Variants in AGO3 observed in about 807,000 individuals in gnomAD.
AGO3 encodes protein argonaute-3.
AGO3 carries 16 observed loss-of-function variants against 105.5 expected under a neutral mutation model. The ratio of observed to expected loss-of-function variants is 0.15; its 90% CI spans 0.10 to 0.23. The LOEUF is 0.23. AGO3 is among the 10% of genes least tolerant of loss of function. The pLI is 1.00. For synonymous variants in AGO3, 340 were observed against 367.3 expected, an observed-to-expected ratio of 0.93 and a Z score of 0.85; for missense variants, 534 against 1,088.0, an observed-to-expected ratio of 0.49 and a Z score of 7.16.
intron 5 of AGO3, among the ~76,000 whole-genome samples, chr1:35,976,729 C>A (rs781284780): frequency 1.3e-5 from 2 of 152,058 alleles, no homozygotes; most frequent in Non-Finnish European, 2.9e-5. Context: ...AAACATTGAA[C>A]CAAACCAGGA....
chr1:36,005,847 G>A (rs1483940100), intron 6 of AGO3: 9 of 985,118 alleles, frequency 9.1e-6, no homozygotes, highest in South Asian at 9.4e-5. Context: ...TAAAGTTGAT[G>A]TTATAGTGAA....
chr1:35,993,828 A>C (rs11799914), intron 5 of AGO3, among the ~76,000 whole-genome samples: 2 of 139,520 alleles, frequency 1.4e-5, no homozygotes, highest in East Asian at 4.2e-4. Context: ...GCTCACTGCA[A>C]CCTCCACCTC....
intron 5 of AGO3, among the ~76,000 whole-genome samples, chr1:35,988,974 TG>T (rs1241298890): frequency 6.6e-6 from 1 of 152,216 alleles, no homozygotes; most frequent in Non-Finnish European, 1.5e-5. Flanking sequence ...TGCTTTTGCG[TG>T]ATTTTGATTT....
intron 1 of AGO3, among the ~76,000 whole-genome samples, chr1:35,944,700 C>T (rs1646328511): frequency 6.6e-6 from 1 of 151,942 alleles, no homozygotes; most frequent in Non-Finnish European, 1.5e-5. Context: ...GACAGGGTTT[C>T]ACCATGTTGG....
intron 5 of AGO3, among the ~76,000 whole-genome samples, chr1:36,000,065 C>T (rs539631995): frequency 2.1e-4 from 32 of 152,148 alleles, no homozygotes; most frequent in African/African-American, 6.7e-4. Context: ...TTTTTGGGGA[C>T]TGCCATCTAT....
Position 36,027,424 on chromosome 1 carries a change from A to G in AGO3, c.1591+126A>G. ...TATGATACAGTATTTAAAACCATGT[A>G]TTATTACTTGAAGACAAATTAATAT... is the stretch of plus-strand genomic sequence containing the variant. On this transcript the variant is annotated intron_variant, in intron 12 of 18. Coordinates refer to ENST00000373191, the MANE Select transcript of AGO3 (RefSeq NM_024852.4). This position sits in a 1 kb window ranked among gnomAD's most constrained non-coding sequence, Gnocchi z 4.0. 1 of 936,994 alleles carries G rather than the reference A, an allele frequency of 1.1e-6. No individual in the cohort carries two copies. Among genetic ancestry groups the G allele is most frequent in the Non-Finnish European group, 1.5e-6 (1 of 672,212 alleles). The allele number at this position is 936,994 out of a possible 1,614,324, so 58.0% of individuals were successfully genotyped here.
At chr1:36,006,976 G>A (rs1187655880) in intron 6 of AGO3, among the ~76,000 whole-genome samples, 1 of 152,206 alleles carries the variant, frequency 6.6e-6, no homozygotes, top group African/African-American at 2.4e-5. Flanking sequence ...CTCAACCTTA[G>A]CAGCATTGAC....
At chr1:35,950,935 G>A (rs916442889) in intron 2 of AGO3, among the ~76,000 whole-genome samples, 10 of 152,250 alleles carry the variant, frequency 6.6e-5, no homozygotes, top group African/African-American at 2.4e-4. Context: ...TAAAATAGTA[G>A]TAGATTGTGG....
At chr1:35,985,383 G>T (rs1018011168) in intron 5 of AGO3, among the ~76,000 whole-genome samples, 12 of 152,130 alleles carry the variant, frequency 7.9e-5, no homozygotes, top group Admixed American at 7.9e-4. Flanking sequence ...AAAACCAATA[G>T]AATTTTAAAG....
chr1:36,042,539 C>G (rs1411045880), intron 16 of AGO3, among the ~76,000 whole-genome samples: 1 of 152,164 alleles, frequency 6.6e-6, no homozygotes, highest in Non-Finnish European at 1.5e-5. Flanking sequence ...CACTATAATT[C>G]AAGGTACTAC....
At chr1:36,002,688 CAGAGAT>C (rs1306419546) in intron 5 of AGO3, among the ~76,000 whole-genome samples, 1 of 151,874 alleles carries the variant, frequency 6.6e-6, no homozygotes, top group African/African-American at 2.4e-5. Context: ...CACATTTATC[CAGAGAT>C]AACTACTGTT....
At chr1:36,017,920 A>G (rs1355391217) in intron 11 of AGO3, among the ~76,000 whole-genome samples, 2 of 151,796 alleles carry the variant, frequency 1.3e-5, no homozygotes, top group Non-Finnish European at 2.9e-5. Context: ...GAAAAAACAC[A>G]CCATAGAAAA....
At chr1:35,964,979 C>G (rs576896688) in intron 2 of AGO3, among the ~76,000 whole-genome samples, 1 of 148,428 alleles carries the variant, frequency 6.7e-6, no homozygotes, top group African/African-American at 2.5e-5. Context: ...TTTTTTTTTT[C>G]TTGTAACTCT....
chr1:35,949,545 C>T (rs1646431702), intron 2 of AGO3, among the ~76,000 whole-genome samples: 1 of 152,180 alleles, frequency 6.6e-6, no homozygotes, highest in Non-Finnish European at 1.5e-5. Context: ...ATTAGCAAAA[C>T]AGTTAAGGGA....
At chr1:36,045,836 C>G (rs1642446640) in intron 17 of AGO3, among the ~76,000 whole-genome samples, 1 of 152,160 alleles carries the variant, frequency 6.6e-6, no homozygotes, top group Admixed American at 6.5e-5. Flanking sequence ...AATCACTGCA[C>G]TGGGCCAAAC....
intron 1 of AGO3, among the ~76,000 whole-genome samples, chr1:35,932,536 A>G (rs1646071419): frequency 6.6e-6 from 1 of 151,790 alleles, no homozygotes; most frequent in South Asian, 2.1e-4. Context: ...TGGGGAGATG[A>G]GATGGGGAGA....
chr1:35,975,938 T>A (rs887817349), intron 5 of AGO3, among the ~76,000 whole-genome samples: 1 of 151,968 alleles, frequency 6.6e-6, no homozygotes, highest in African/African-American at 2.4e-5. Context: ...TTTTTCTTTC[T>A]TTCTTTTCTT....
At chr1:36,013,428 G>A (rs1640721004) in intron 9 of AGO3, 1 of 575,692 alleles carries the variant, frequency 1.7e-6, no homozygotes, top group Non-Finnish European at 2.9e-6. Context: ...AAATTACCAG[G>A]AGGTCACAGA....
intron 5 of AGO3, chr1:35,984,408 AG>A (rs1469579441): frequency 1.3e-5 from 2 of 152,224 alleles, no homozygotes; most frequent in African/African-American, 4.8e-5. Flanking sequence ...TCAAGAGACA[AG>A]GATATCAGTG....
Sources: allele counts gnomAD v4.1 joint callset (sites outside exome capture counted in the v4.1 genomes callset), GRCh38; gene constraint gnomAD v4.1.1; non-coding constraint Gnocchi (gnomAD v3.1); transcripts MANE v1.5; gene names NCBI Gene and HGNC (gene_info 2026-07-23, HGNC 2026-07-21).